The following BRINP1 variants were observed in gnomAD, a reference collection of about 807,000 sequenced individuals.
BRINP1 encodes BMP/retinoic acid inducible neural specific 1.
In BRINP1, 17 loss-of-function variants were observed where a neutral mutation model predicts 72.9. That is an observed-to-expected ratio of 0.23 (90% CI 0.16 to 0.35). The LOEUF (loss-of-function observed/expected upper bound fraction) is 0.35, where lower values mean the gene tolerates loss of function less well. Ranked by LOEUF, BRINP1 falls within the 10% of genes least tolerant of loss-of-function variation. BRINP1 has a pLI of 1.00. For synonymous variants in BRINP1, 418 were observed against 378.5 expected (o/e 1.10, Z -1.21); for missense variants, 850 against 1,001.6 (o/e 0.85, Z 2.04).
intron 7 of BRINP1, among the ~76,000 whole-genome samples, chr9:119,179,476 A>T (rs1829528048): frequency 6.6e-6 from 1 of 152,180 alleles, no homozygotes; most frequent in South Asian, 2.1e-4. Flanking sequence ...TGACCATTAG[A>T]AGCAGGGAAA....
At chr9:119,248,837 C>A in intron 3 of BRINP1, 123 bp downstream of exon 3, 1 of 863,180 alleles carries the variant, frequency 1.2e-6, no homozygotes. Flanking sequence ...GCTATAAATG[C>A]TTTTGTGTGA....
At chr9:119,359,338 G>C (rs1831605752) in intron 1 of BRINP1, among the ~76,000 whole-genome samples, 1 of 152,092 alleles carries the variant, frequency 6.6e-6, no homozygotes, top group Non-Finnish European at 1.5e-5. Context: ...CAGGACTACA[G>C]GCATATGCCA....
intron 1 of BRINP1, among the ~76,000 whole-genome samples, chr9:119,350,772 C>T (rs1233838450): frequency 6.6e-6 from 1 of 151,900 alleles, no homozygotes; most frequent in Non-Finnish European, 1.5e-5. Flanking sequence ...GACACATCTT[C>T]AAAATAAAAA....
chr9:119,279,268 C>G (rs1015857644), intron 2 of BRINP1, among the ~76,000 whole-genome samples: 5 of 152,118 alleles, frequency 3.3e-5, no homozygotes, highest in African/African-American at 1.2e-4. Context: ...AAACTGTGTC[C>G]CTATCTAAAC....
chr9:119,178,983 C>T (rs538324359), intron 7 of BRINP1, among the ~76,000 whole-genome samples: 1 of 152,286 alleles, frequency 6.6e-6, no homozygotes, highest in South Asian at 2.1e-4. Context: ...GGGTCCCTCT[C>T]CTCCACTCAC....
At chr9:119,229,215 G>A (rs948663754) in intron 5 of BRINP1, among the ~76,000 whole-genome samples, 1 of 152,034 alleles carries the variant, frequency 6.6e-6, no homozygotes, top group African/African-American at 2.4e-5. Flanking sequence ...ATGAGCACTT[G>A]ATATTGGCCA....
intron 5 of BRINP1, among the ~76,000 whole-genome samples, chr9:119,218,657 A>G (rs1830006164): frequency 6.6e-6 from 1 of 151,356 alleles, no homozygotes; most frequent in Non-Finnish European, 1.5e-5. Flanking sequence ...GTTCTGACAC[A>G]CTCGAGGGTG....
chr9:119,189,735 C>T (rs230081), intron 7 of BRINP1, among the ~76,000 whole-genome samples: 49,020 of 151,832 alleles, frequency 0.32, 9,799 homozygotes, highest in African/African-American at 0.58. Context: ...AGGACTTTAA[C>T]ACCCTGTTTT....
chr9:119,264,653 C>T (rs1218714120), intron 2 of BRINP1, among the ~76,000 whole-genome samples: 1 of 152,078 alleles, frequency 6.6e-6, no homozygotes, highest in East Asian at 1.9e-4. Context: ...AGAAACTAGC[C>T]ACTATTGAAA....
chr9:119,344,721 TCAA>T (rs1831434011), intron 1 of BRINP1, among the ~76,000 whole-genome samples: 1 of 152,262 alleles, frequency 6.6e-6, no homozygotes, highest in African/African-American at 2.4e-5. Flanking sequence ...ACATTCAATC[TCAA>T]ATGCCACAGC....
intron 7 of BRINP1, among the ~76,000 whole-genome samples, chr9:119,185,699 C>G (rs551097730): frequency 6.6e-6 from 1 of 152,164 alleles, no homozygotes; most frequent in East Asian, 1.9e-4. Flanking sequence ...CTCCTCTCCC[C>G]GGTCAGGATT....
At chr9:119,219,804 T>A (rs1003233426) in intron 5 of BRINP1, among the ~76,000 whole-genome samples, 1 of 151,932 alleles carries the variant, frequency 6.6e-6, no homozygotes, top group Admixed American at 6.6e-5. Context: ...ATGGACTGGA[T>A]TAGGGGTGTT....
intron 2 of BRINP1, among the ~76,000 whole-genome samples, chr9:119,299,313 A>G (rs1332364880): frequency 4.6e-5 from 7 of 152,138 alleles, no homozygotes; most frequent in Admixed American, 2.0e-4. Context: ...TAGTTTCCAC[A>G]TATAAGTGAG....
chr9:119,356,719 C>A (rs553657559), intron 1 of BRINP1, among the ~76,000 whole-genome samples: 2 of 151,514 alleles, frequency 1.3e-5, no homozygotes, highest in African/African-American at 2.4e-5. Flanking sequence ...GCAATAGAAT[C>A]GCTTGAACCT....
At chr9:119,258,216 T>A (rs1034514529) in intron 2 of BRINP1, among the ~76,000 whole-genome samples, 1 of 152,170 alleles carries the variant, frequency 6.6e-6, no homozygotes, top group East Asian at 1.9e-4. Flanking sequence ...TTCAGAGCAA[T>A]GGGGGTAAAT....
chr9:119,338,484 A>T (rs1373363890), intron 1 of BRINP1, among the ~76,000 whole-genome samples: 3 of 150,458 alleles, frequency 2.0e-5, no homozygotes, highest in African/African-American at 7.3e-5. Flanking sequence ...CTCCCGGGAC[A>T]CCTTACTCTG....
At chr9:119,323,903 C>T (rs1349885705) in intron 1 of BRINP1, among the ~76,000 whole-genome samples, 2 of 152,154 alleles carry the variant, frequency 1.3e-5, no homozygotes, top group Non-Finnish European at 2.9e-5. Context: ...CTGAACTAGA[C>T]AGATTGATTA....
At chr9:119,340,230 A>G (rs888196487) in intron 1 of BRINP1, among the ~76,000 whole-genome samples, 1 of 152,232 alleles carries the variant, frequency 6.6e-6, no homozygotes, top group African/African-American at 2.4e-5. Flanking sequence ...AAAAATAAAA[A>G]TGGAACAAAG....
chr9:119,204,278 C>T (rs181907282), intron 7 of BRINP1, among the ~76,000 whole-genome samples: 8 of 152,308 alleles, frequency 5.3e-5, no homozygotes, highest in Admixed American at 3.3e-4. Context: ...TAGATAATAA[C>T]ATAGTGTTGT....
Sources: allele counts gnomAD v4.1 joint callset (sites outside exome capture counted in the v4.1 genomes callset), GRCh38; gene constraint gnomAD v4.1.1; transcripts MANE v1.5; gene names NCBI Gene and HGNC (gene_info 2026-07-23, HGNC 2026-07-21).